The following CHIA variants were observed in gnomAD, a reference collection of about 807,000 sequenced individuals.
CHIA encodes chitinase acidic.
In CHIA, 47 loss-of-function variants were observed where a neutral mutation model predicts 53.5. That is an observed-to-expected ratio of 0.88 (90% CI 0.70 to 1.12). The LOEUF is 1.12. Ranked by LOEUF, CHIA falls within the 50% of genes most tolerant of loss-of-function variation. CHIA has a pLI of 0.00. For missense variants in CHIA, 652 were observed against 592.2 expected (o/e 1.10, Z -1.05); for synonymous variants, 268 against 222.2 (o/e 1.21, Z -1.83).
intron 1 of CHIA, among the ~76,000 whole-genome samples, chr1:111,305,608 G>A (rs1464847338): frequency 2.0e-5 from 3 of 152,156 alleles, no homozygotes; most frequent in Non-Finnish European, 4.4e-5. Flanking sequence ...ATTTACCTAC[G>A]AAGCTTTCTT....
chr1:111,292,409 C>A (rs770258011), intron 1 of CHIA, among the ~76,000 whole-genome samples: 2 of 152,118 alleles, frequency 1.3e-5, no homozygotes, highest in Non-Finnish European at 2.9e-5. Flanking sequence ...CATATGGCAA[C>A]CTTTGTGCTG....
intron 1 of CHIA, among the ~76,000 whole-genome samples, chr1:111,301,269 A>T (rs28826608): frequency 0.28 from 42,361 of 152,182 alleles, 6,191 homozygotes; most frequent in East Asian, 0.36. Context: ...TAGTATAAAG[A>T]TACATGCACA....
chr1:111,320,186 G>C (rs777222509), intron 11 of CHIA, 27 bp from the exon 12 acceptor site: 1 of 1,605,042 alleles, frequency 6.2e-7, no homozygotes, highest in African/African-American at 1.3e-5. Flanking sequence ...AAGCCCACTA[G>C]TCTGCTCTTA....
At position 111,305,398 on chromosome 1, in the gene CHIA, A is replaced by G. The variant is rs929202486; in HGVS notation, c.-68-5002A>G. The stretch of plus-strand genomic sequence containing the variant: ...CTACCTCTTTGTCTGCACCTTTGTA[A>G]TCAGAAGCAGCAATCAGTGATAAGA... On this transcript the variant is annotated intron_variant, in intron 1 of 11. Transcript: ENST00000369740. Among the ~76,000 whole-genome samples the G allele has an allele frequency of 3.3e-5, 5 of 152,144 alleles. 1 individual carries two copies. In the East Asian group the frequency reaches 7.7e-4, roughly 23 times the overall value.
chr1:111,293,039 T>TGG (rs1338742157), intron 1 of CHIA, among the ~76,000 whole-genome samples: 1 of 134,762 alleles, frequency 7.4e-6, no homozygotes, highest in Non-Finnish European at 1.6e-5. Context: ...AATGTTACTG[T>TGG]GAACATGGAA....
Position 111,319,347 on chromosome 1 carries a change from CA to C in CHIA, c.1059del (p.Lys353AsnfsTer27), listed in dbSNP as rs777884168. On this transcript the variant is annotated frameshift_variant, in exon 11 of 12. Transcript: ENST00000369740. LOFTEE classifies it high-confidence loss of function. ...AACAGGCTCAATGGCTTAAGCACAACAAATTTGGAGGCGCCATGGTCTGGGC... is the reference window on the plus strand; with the variant it reads ...AACAGGCTCAATGGCTTAAGCACAACAATTTGGAGGCGCCATGGTCTGGGC... Reference protein sequence around the residue: ...DIKAQWLKHNKFGGAMVWAID... With the variant: ...DIKAQWLKHNXFGGAMVWAID... The C allele has an allele frequency of 6.2e-7, 1 of 1,614,202 alleles. No individual in the cohort carries two copies. Among genetic ancestry groups the C allele is most frequent in the East Asian group, 2.2e-5 (1 of 44,886 alleles).
intron 1 of CHIA, among the ~76,000 whole-genome samples, chr1:111,294,650 AC>A (rs747054583): frequency 3.3e-5 from 5 of 152,234 alleles, no homozygotes; most frequent in Non-Finnish European, 5.9e-5. Context: ...TCAGTCTTTC[AC>A]CATTGAGTAT....
At chr1:111,298,232 C>T (rs1647369999) in intron 1 of CHIA, among the ~76,000 whole-genome samples, 1 of 152,172 alleles carries the variant, frequency 6.6e-6, no homozygotes, top group Non-Finnish European at 1.5e-5. Flanking sequence ...CTCAGCTCTG[C>T]ACTAAGCAGA....
In CHIA at chr1:111,312,281, C is replaced by A. The variant is rs1648746781; in HGVS notation, c.147C>A (p.Cys49Ter). Residue 49 changes from cysteine to a stop codon, truncating the protein, a stop_gained, in exon 4 of 12, where the codon TGC (cysteine) becomes TGA (stop). Coordinates refer to ENST00000369740, the MANE Select transcript of CHIA (RefSeq NM_201653.4). LOFTEE classifies it high-confidence loss of function. The stretch of plus-strand genomic sequence containing the variant: ...TCATGCCTGACAACATCGACCCCTG[C>A]CTCTGTACCCACCTGATCTACGCCT... ...GRFMPDNIDP[C>*]LCTHLIYAFA... The A allele has an allele frequency of 1.9e-6, 3 of 1,613,866 alleles. No individual in the cohort carries two copies. The highest frequency in any genetic ancestry group is 1.3e-5 in the African/African-American group (1 of 74,900).
intron 11 of CHIA, among the ~76,000 whole-genome samples, chr1:111,319,737 T>A (rs1036393486): frequency 1.3e-5 from 2 of 152,194 alleles, no homozygotes; most frequent in African/African-American, 2.4e-5. Flanking sequence ...TATACTAACA[T>A]CAATATAAGT....
chr1:111,304,933 A>G (rs1167566399), intron 1 of CHIA, among the ~76,000 whole-genome samples: 2 of 151,644 alleles, frequency 1.3e-5, no homozygotes, highest in Non-Finnish European at 2.9e-5. Context: ...TCTTTTTTGT[A>G]TTTTTTATTT....
chr1:111,290,960 A>AAT lies in CHIA; in HGVS notation c.-69+21_-69+22dup, dbSNP rs577728383. On this transcript the variant is annotated intron_variant, in intron 1 of 11. Coordinates refer to ENST00000369740, the MANE Select transcript of CHIA (RefSeq NM_201653.4). ...AATCCTCCATAGTCTGGTGAGTGTA[A>AAT]ATATATATATATCTTTTCCCTTCTC... 6.6e-4 allele frequency: 294 copies of AAT among 447,656 alleles called. 1 individual carries two copies. The highest frequency in any genetic ancestry group is 6.5e-3 in the East Asian group (90 of 13,806). The allele number at this position is 447,656 out of a possible 1,614,324, so 27.7% of individuals were successfully genotyped here.
At chr1:111,297,901 CAAAAAAAAA>C (rs1188512345) in intron 1 of CHIA, among the ~76,000 whole-genome samples, 4 of 31,848 alleles carry the variant, frequency 1.3e-4, no homozygotes, top group Middle Eastern at 0.033. Flanking sequence ...AAATGGAAAG[CAAAAAAAAA>C]AAAAAAAAAA....
chr1:111,291,051 T>C (rs1440372315), intron 1 of CHIA, 101 bp downstream of exon 1: 3 of 304,326 alleles, frequency 9.9e-6, no homozygotes, highest in Non-Finnish European at 1.9e-5. Flanking sequence ...TATTATATCG[T>C]TTGCTTATTA....
intron 1 of CHIA, among the ~76,000 whole-genome samples, chr1:111,303,380 T>C (rs111395129): frequency 1.5e-4 from 23 of 152,134 alleles, no homozygotes; most frequent in African/African-American, 5.3e-4. Flanking sequence ...TTGTTCGTAG[T>C]GAAATGTTTA....
At chr1:111,311,105 T>C (rs146716902) in intron 2 of CHIA, among the ~76,000 whole-genome samples, 7 of 152,352 alleles carry the variant, frequency 4.6e-5, no homozygotes, top group Non-Finnish European at 1.0e-4. Flanking sequence ...GCAAACTGTT[T>C]AAGCTTCAGA....
chr1:111,305,573 C>T (rs1030464867), intron 1 of CHIA, among the ~76,000 whole-genome samples: 1 of 152,190 alleles, frequency 6.6e-6, no homozygotes, highest in South Asian at 2.1e-4. Context: ...GTGCTAAGAA[C>T]TGAAATTGAC....
At chr1:111,302,699 C>T (rs541954576) in intron 1 of CHIA, among the ~76,000 whole-genome samples, 16 of 152,168 alleles carry the variant, frequency 1.1e-4, no homozygotes, top group Non-Finnish European at 1.5e-4. Context: ...GTCCCGTGTG[C>T]GCTTGGGAAG....
chr1:111,316,839 T>A (rs1193673577), intron 6 of CHIA: 1 of 152,206 alleles, frequency 6.6e-6, no homozygotes, highest in East Asian at 1.9e-4. Flanking sequence ...AGGTGAAAAG[T>A]CAATTTACTT....
Sources: gnomAD v4.1 joint callset for allele counts (sites outside exome capture counted in the v4.1 genomes callset) on GRCh38, gnomAD v4.1.1 for gene constraint, MANE v1.5 for transcripts, NCBI Gene and HGNC (gene_info 2026-07-23, HGNC 2026-07-21) for gene names.